CEACAM7: variants seen among roughly 807,000 people sequenced by gnomAD.
CEACAM7 encodes CEA cell adhesion molecule 7, also known as cell adhesion molecule CEACAM7.
CEACAM7 carries 24 observed loss-of-function variants against 25.7 expected under a neutral mutation model. The ratio of observed to expected loss-of-function variants is 0.93; its 90% CI spans 0.68 to 1.31. The LOEUF (loss-of-function observed/expected upper bound fraction) is 1.31. Among genes scored for constraint, CEACAM7 ranks in the 40% most tolerant of loss-of-function variants. The pLI is 0.00. For synonymous variants in CEACAM7, 144 were observed against 129.4 expected, an observed-to-expected ratio of 1.11 and a Z score of -0.77; for missense variants, 324 against 330.1, an observed-to-expected ratio of 0.98 and a Z score of 0.14.
rs2072202706 is a variant in CEACAM7, at chr19:41,684,028, AGTT to A, written c.460_462del (p.Asn154del). The A allele has an allele frequency of 6.2e-7, 1 of 1,614,020 alleles. No homozygotes were observed. The highest frequency in any genetic ancestry group is 1.1e-5 in the South Asian group (1 of 91,082). ...ATATCTTTGTTCTCCACCGGATTGA[AGTT>A]GTTGCTGGTGATGGAGGGCTTGGGT... On this transcript the variant is annotated inframe_deletion, in exon 3 of 5. Coordinates refer to ENST00000401731, the MANE Select transcript of CEACAM7 (RefSeq NM_001291485.2).
At position 41,683,971 on chromosome 19, in the gene CEACAM7, T is replaced by G; in HGVS notation, c.520A>C (p.Asn174His). The G allele has an allele frequency of 1.9e-6, 3 of 1,614,200 alleles. No homozygotes were observed. Among genetic ancestry groups the G allele is most frequent in the Non-Finnish European group, 2.5e-6 (3 of 1,180,038 alleles). Residue 174 changes from asparagine to histidine, a missense_variant, in exon 3 of 5, where the codon AAC becomes CAC. Asn to His is a moderately conservative substitution (Grantham distance 68). Coordinates refer to ENST00000401731, the MANE Select transcript of CEACAM7 (RefSeq NM_001291485.2). Reference protein sequence around the residue: ...VVLTCQPETQNTTYLWWVNNQ... With the variant: ...VVLTCQPETQHTTYLWWVNNQ... ...TTTACCCACCACAGGTAGGTTGTGT[T>G]CTGAGTCTCAGGTTGACAGGTTAAA...
At chr19:41,684,154 CT>C (rs1555811009) in intron 2 of CEACAM7, 91 bp from the exon 3 acceptor site, 25 of 1,401,624 alleles carry the variant, frequency 1.8e-5, no homozygotes, top group Non-Finnish European at 3.0e-6. Context: ...TCTCCCACCT[CT>C]AAGCCCACTC....
chr19:41,686,746 C>T, intron 2 of CEACAM7, 113 bp downstream of exon 2: 1 of 1,245,866 alleles, frequency 8.0e-7, no homozygotes, highest in Non-Finnish European at 1.1e-6. Flanking sequence ...GCCCAAACTC[C>T]AACACTGGAT....
At position 41,673,789 on chromosome 19, in the gene CEACAM7, G is replaced by GT. The variant is rs1262960241; in HGVS notation, c.*986dup. The GT allele has an allele frequency of 6.6e-6, 1 of 152,204 alleles. No homozygotes were observed. The highest frequency in any genetic ancestry group is 1.5e-5 in the Non-Finnish European group (1 of 68,030). The allele number at this position is 152,204 out of a possible 1,614,324, so 9.4% of individuals were successfully genotyped here. ...TCCTCCTAATCATACATTTATTTGAGTTTTTGTCATTCCAGCCAAAGAGAG... is the reference window on the plus strand; with the variant it reads ...TCCTCCTAATCATACATTTATTTGAGTTTTTTGTCATTCCAGCCAAAGAGAG... On this transcript the variant is annotated 3_prime_UTR_variant, in exon 5 of 5. Coordinates refer to ENST00000401731, the MANE Select transcript of CEACAM7 (RefSeq NM_001291485.2).
In CEACAM7 at chr19:41,678,310, C is replaced by CATGTATATGTATATGTATATGTAT. The variant is rs55633841; in HGVS notation, c.707-831_707-808dup. Among the ~76,000 whole-genome samples, 246 of 144,744 alleles carry CATGTATATGTATATGTATATGTAT rather than the reference C, an allele frequency of 1.7e-3. 1 individual carries two copies. Among genetic ancestry groups the CATGTATATGTATATGTATATGTAT allele is most frequent in the Middle Eastern group, 0.011 (3 of 280 alleles). The allele number at this position is 144,744 out of a possible 152,430, so 95.0% of individuals were successfully genotyped here. A position where few individuals can be genotyped will look rare whatever the true frequency, so the allele number is the denominator to read the frequency against. On this transcript the variant is annotated intron_variant, in intron 3 of 4. Coordinates refer to ENST00000401731, the MANE Select transcript of CEACAM7 (RefSeq NM_001291485.2). ...CTTTTTGTGTAATGCCTGTTTCTCC[C>CATGTATATGTATATGTATATGTAT]ATGTATATGTATATGTATATGTATA...
chr19:41,684,198 T>TCTGTCTTGTGATACA, intron 2 of CEACAM7, 135 bp from the exon 3 acceptor site: 3 of 894,238 alleles, frequency 3.4e-6, no homozygotes, highest in Non-Finnish European at 5.2e-6. Flanking sequence ...GGTGTGTGTA[T>TCTGTCTTGTGATACA]CACAAGACAG....
At chr19:41,683,605 C>A (rs2072196693) in intron 3 of CEACAM7, among the ~76,000 whole-genome samples, 180 bp downstream of exon 3, 1 of 152,218 alleles carries the variant, frequency 6.6e-6, no homozygotes, top group South Asian at 2.1e-4. Flanking sequence ...CCCCTCCTCT[C>A]ATATTCTTGG....
chr19:41,675,726 A>G (rs781867141), intron 4 of CEACAM7, among the ~76,000 whole-genome samples: 1 of 152,218 alleles, frequency 6.6e-6, no homozygotes, highest in Non-Finnish European at 1.5e-5. Context: ...TAAAAATCTG[A>G]TAAGACTTCA....
Position 41,673,408 on chromosome 19 carries a change from G to A in CEACAM7, c.*1368C>T, listed in dbSNP as rs1408388798. ...TGGGCAATACAACAGTAGAACAGTG[G>A]GTTTTGTAAAATGGGAATCCAGGAA... On this transcript the variant is annotated 3_prime_UTR_variant, in exon 5 of 5. Transcript: ENST00000401731. 6.6e-6 allele frequency: 1 copy of A among 152,156 alleles called. No individual in the cohort carries two copies. The highest frequency in any genetic ancestry group is 6.5e-5 in the Admixed American group (1 of 15,284). 9.4% of individuals were successfully genotyped at this position (152,156 alleles called of 1,614,324 possible).
chr19:41,677,263 GGGA>G, intron 4 of CEACAM7, 110 bp downstream of exon 4: 19 of 591,300 alleles, frequency 3.2e-5, no homozygotes, highest in South Asian at 6.9e-5. Context: ...GGAGTTTAGT[GGGA>G]GGAGGAGGAG....
At chr19:41,684,199 C>CTGTCTTGTGAT in intron 2 of CEACAM7, 136 bp from the exon 3 acceptor site, 1 of 888,074 alleles carries the variant, frequency 1.1e-6, no homozygotes, top group Non-Finnish European at 1.7e-6. Flanking sequence ...GTGTGTGTAT[C>CTGTCTTGTGAT]ACAAGACAGA....
chr19:41,678,202 A>G (rs1355771727), intron 3 of CEACAM7, among the ~76,000 whole-genome samples: 2 of 151,882 alleles, frequency 1.3e-5, no homozygotes, highest in African/African-American at 4.8e-5. Context: ...CTGAATGAAA[A>G]CTAACATACT....
chr19:41,680,118 C>A (rs1600430979), intron 3 of CEACAM7, among the ~76,000 whole-genome samples: 1 of 150,810 alleles, frequency 6.6e-6, no homozygotes, highest in African/African-American at 2.4e-5. Flanking sequence ...TTGCATCCAG[C>A]CAAAAAACAG....
chr19:41,683,461 G>A (rs1471570569), intron 3 of CEACAM7, among the ~76,000 whole-genome samples: 2 of 152,206 alleles, frequency 1.3e-5, no homozygotes, highest in Non-Finnish European at 2.9e-5. Flanking sequence ...CTGTGGAAGG[G>A]CTGCACTGTC....
At chr19:41,685,446 G>A (rs527463825) in intron 2 of CEACAM7, among the ~76,000 whole-genome samples, 121 of 152,204 alleles carry the variant, frequency 7.9e-4, no homozygotes, top group African/African-American at 2.9e-3. Context: ...TGGAACATGG[G>A]TCTCAGTCCC....
At chr19:41,683,575 GCCTCCCAGGACAGGAGCA>G (rs1170830691) in intron 3 of CEACAM7, among the ~76,000 whole-genome samples, 192 bp downstream of exon 3, 1 of 152,208 alleles carries the variant, frequency 6.6e-6, no homozygotes, top group Non-Finnish European at 1.5e-5. Flanking sequence ...TGGACCCTGA[GCCTCCCAGGACAGGAGCA>G]GCCCCTCCTC....
chr19:41,676,122 T>C (rs546606540), intron 4 of CEACAM7, among the ~76,000 whole-genome samples: 37 of 152,340 alleles, frequency 2.4e-4, no homozygotes, highest in African/African-American at 6.3e-4. Context: ...GCCCAAGTCC[T>C]GCTTATCAGA....
chr19:41,687,954 T>C (rs2072245147), intron 1 of CEACAM7, 148 bp downstream of exon 1: 2 of 504,788 alleles, frequency 4.0e-6, no homozygotes, highest in Non-Finnish European at 6.9e-6. Flanking sequence ...ATTTTCCTGT[T>C]CTGGTTTCCT....
intron 3 of CEACAM7, among the ~76,000 whole-genome samples, chr19:41,683,389 A>G (rs189739774): frequency 6.6e-6 from 1 of 152,312 alleles, no homozygotes; most frequent in Admixed American, 6.5e-5. Context: ...TGTCCAAGCC[A>G]CCCGGAGCAA....
Sources: allele counts gnomAD v4.1 joint callset (sites outside exome capture counted in the v4.1 genomes callset), GRCh38; gene constraint gnomAD v4.1.1; transcripts MANE v1.5; gene names NCBI Gene and HGNC (gene_info 2026-07-23, HGNC 2026-07-21).